Variants in SLC35F5 observed in about 807,000 individuals in gnomAD.
The protein encoded by SLC35F5 is HCV NS5A-transactivated protein 3.
SLC35F5 carries 54 observed loss-of-function variants against 68.6 expected under a neutral mutation model. That is an observed-to-expected ratio of 0.79 (90% confidence interval 0.63 to 0.99). The LOEUF (loss-of-function observed/expected upper bound fraction) is 0.99, where lower values mean the gene tolerates loss of function less well. SLC35F5 is among the 50% of genes least tolerant of loss of function. SLC35F5 has a pLI of 0.00. For synonymous variants in SLC35F5, 211 were observed against 205.2 expected (o/e 1.03, Z -0.24); for missense variants, 567 against 626.9 (o/e 0.90, Z 1.02).
Position 113,734,652 on chromosome 2 carries a change from G to A in SLC35F5, c.854C>T (p.Ala285Val). ...STSGLFTLILAAVFPSNSGDR... is the reference protein window; with the variant it reads ...STSGLFTLILVAVFPSNSGDR... ...TCCACTGTTACTTGGAAATACTGCA[G>A]CAAGGATTAAGGTAAAAAGTCCTAT... The change falls in exon 9 of 16, where the codon GCT becomes GTT. Residue 285 changes from alanine to valine, a missense_variant. Physicochemically the swap from Ala to Val is moderately conservative, Grantham distance 64 (BLOSUM62 0). Transcript: ENST00000245680. 6.2e-7 allele frequency: 1 copy of A among 1,604,406 alleles called. No homozygotes were observed. Among genetic ancestry groups the A allele is most frequent in the Non-Finnish European group, 8.5e-7 (1 of 1,173,066 alleles).
intron 9 of SLC35F5, among the ~76,000 whole-genome samples, chr2:113,733,042 T>C (rs941263716): frequency 2.6e-5 from 4 of 152,168 alleles, no homozygotes; most frequent in African/African-American, 9.7e-5. Context: ...CTTAGTAAAA[T>C]GCCAATTCAA....
chr2:113,755,542 C>G lies in SLC35F5; in HGVS notation c.43G>C (p.Val15Leu), dbSNP rs778071602. ...RRHRGAGRPG[V>L]LSSSPPFRLR... ...CTAAAAGGAGGTGAAGAACTCAGCA[C>G]CCCTAAAAACAACCATGAAATTATG... is the stretch of plus-strand genomic sequence containing the variant. Residue 15 changes from valine to leucine, a missense_variant and splice_region_variant, in exon 2 of 16, where the codon GTG (valine) becomes CTG (leucine). Transcript: ENST00000245680. 9 of 1,612,990 alleles carry G rather than the reference C, an allele frequency of 5.6e-6. No homozygotes were observed. Among genetic ancestry groups the G allele is most frequent in the Non-Finnish European group, 7.6e-6 (9 of 1,179,508 alleles).
Position 113,725,379 on chromosome 2 carries a change from A to G in SLC35F5, c.1249T>C (p.Trp417Arg). 4.4e-6 allele frequency: 7 copies of G among 1,599,542 alleles called. No homozygotes were observed. Among genetic ancestry groups the G allele is most frequent in the Non-Finnish European group, 5.1e-6 (6 of 1,176,238 alleles). ...AATTGGAGAATAAACAGTACATACC[A>G]CAACCACAGGAACTCTGAGAGTACT... ...GTVLSEFLWL[W>R]GCFLTSSLIG... Residue 417 changes from tryptophan (W) to arginine (R), a missense_variant and splice_region_variant, in exon 12 of 16, where the codon TGG (tryptophan) becomes CGG (arginine). Trp to Arg is a moderately radical substitution (Grantham distance 101). Transcript: ENST00000245680.
At chr2:113,742,506 T>G (rs1389090444) in intron 7 of SLC35F5, 186 bp downstream of exon 7, 2 of 608,422 alleles carry the variant, frequency 3.3e-6, no homozygotes, top group Non-Finnish European at 5.8e-6. Flanking sequence ...ATTCTAACTC[T>G]TTGAGGTATA....
intron 8 of SLC35F5, among the ~76,000 whole-genome samples, chr2:113,734,898 A>G (rs954802449): frequency 5.9e-5 from 9 of 152,236 alleles, no homozygotes; most frequent in Non-Finnish European, 1.3e-4. Flanking sequence ...TTTCAACAGT[A>G]CAGATCAAGT....
In SLC35F5 at chr2:113,746,371, T is replaced by A. The variant is rs770623343; in HGVS notation, c.418-32A>T. The A allele has an allele frequency of 8.3e-6, 13 of 1,566,034 alleles. No homozygotes were observed. In the East Asian group the frequency reaches 2.9e-4, roughly 35 times the overall value. On this transcript the variant is annotated intron_variant, in intron 4 of 15. Coordinates refer to ENST00000245680, the MANE Select transcript of SLC35F5 (RefSeq NM_025181.5). ...ACAGATAACAAGATACAAAATTCAA[T>A]GAAACTTACATTATACTGTAGGACT...
At chr2:113,746,917 G>A (rs1233195563) in intron 4 of SLC35F5, among the ~76,000 whole-genome samples, 10 of 139,052 alleles carry the variant, frequency 7.2e-5, no homozygotes, top group East Asian at 2.0e-4. Context: ...GCAAGATTAC[G>A]TCTCAAAAAA....
chr2:113,743,806 C>A lies in SLC35F5; in HGVS notation c.481-12G>T. 1 of 1,572,172 alleles carries A rather than the reference C, an allele frequency of 6.4e-7. No individual in the cohort carries two copies. The highest frequency in any genetic ancestry group is 8.6e-7 in the Non-Finnish European group (1 of 1,157,428). On this transcript the variant is annotated splice_polypyrimidine_tract_variant and intron_variant, in intron 5 of 15. Coordinates refer to ENST00000245680, the MANE Select transcript of SLC35F5 (RefSeq NM_025181.5). ...TACAGAGGTTCACTCTGGAATGTAA[C>A]AGAAAAAAATATAAACAACAAATAT...
In SLC35F5 at chr2:113,723,239, C is replaced by CA. The variant is rs774309941; in HGVS notation, c.1251-46dup. On this transcript the variant is annotated intron_variant, in intron 12 of 15. Coordinates refer to ENST00000245680, the MANE Select transcript of SLC35F5 (RefSeq NM_025181.5). ...CATTTCTATATTTAAAAAATTAAAC[C>CA]AAAGAAAAACACTGAACAAAGACTT... 1.6e-5 allele frequency: 16 copies of CA among 991,668 alleles called. No individual in the cohort carries two copies. The Admixed American group carries it at 3.5e-4, about 22-fold the overall frequency. 61.4% of individuals were successfully genotyped at this position (991,668 alleles called of 1,614,324 possible).
rs67201065 is a variant in SLC35F5 at position 113,708,004 on chromosome 2, TCCTCCTAG to T, written c.*7206_*7213del. ...CGCATTTTCAATGTCCTGTCTGCAT[TCCTCCTAG>T]CCTCTCTCTGCTCAGGTTTTGGAAA... On this transcript the variant is annotated 3_prime_UTR_variant, in exon 16 of 16. Coordinates refer to ENST00000245680, the MANE Select transcript of SLC35F5 (RefSeq NM_025181.5). Among the ~76,000 whole-genome samples, 14,054 of 152,208 alleles carry T rather than the reference TCCTCCTAG, an allele frequency of 0.092. 815 individuals carry two copies. The highest frequency in any genetic ancestry group is 0.14 in the Non-Finnish European group (9,183 of 67,978).
chr2:113,717,666 T>C (rs1163603913), intron 15 of SLC35F5, 87 bp downstream of exon 15: 49 of 943,480 alleles, frequency 5.2e-5, no homozygotes, highest in Non-Finnish European at 9.4e-6. Flanking sequence ...GTATTGCCTC[T>C]CAAACAACTA....
At chr2:113,717,882 A>C (rs1477063008) in intron 14 of SLC35F5, 32 bp from the exon 15 acceptor site, 9 of 1,501,486 alleles carry the variant, frequency 6.0e-6, no homozygotes, top group Non-Finnish European at 8.3e-6. Flanking sequence ...AATTAAGGAA[A>C]GCTTTAGAGC....
In SLC35F5 at chr2:113,737,082, A is replaced by C. The variant is rs1352587431; in HGVS notation, c.751-1224T>G. On this transcript the variant is annotated intron_variant, in intron 7 of 15. Coordinates refer to ENST00000245680, the MANE Select transcript of SLC35F5 (RefSeq NM_025181.5). Reference sequence around the variant, plus strand: ...GGTCAAGCAAACTAAACTAATGGCTAGTTTTTGGTGTCTCTGTTACTTACA... The same window carrying C: ...GGTCAAGCAAACTAAACTAATGGCTCGTTTTTGGTGTCTCTGTTACTTACA... 2.0e-5 allele frequency among the ~76,000 whole-genome samples: 3 copies of C among 152,126 alleles called. No individual in the cohort carries two copies. In the East Asian group the frequency reaches 5.8e-4, roughly 29 times the overall value.
At chr2:113,737,233 T>C (rs1215183760) in intron 7 of SLC35F5, among the ~76,000 whole-genome samples, 2 of 152,190 alleles carry the variant, frequency 1.3e-5, no homozygotes, top group African/African-American at 4.8e-5. Flanking sequence ...AAAGAAGTAG[T>C]AGAGACACAT....
At chr2:113,722,155 A>C (rs914541905) in intron 13 of SLC35F5, among the ~76,000 whole-genome samples, 6 of 151,738 alleles carry the variant, frequency 4.0e-5, no homozygotes, top group African/African-American at 1.5e-4. Flanking sequence ...TTGTATTTTT[A>C]GTAGAGACGG....
chr2:113,734,336 G>C (rs1012946513), intron 9 of SLC35F5, among the ~76,000 whole-genome samples: 1 of 152,214 alleles, frequency 6.6e-6, no homozygotes, highest in South Asian at 2.1e-4. Flanking sequence ...TCCAATACTT[G>C]ATGAGTCTGC....
intron 4 of SLC35F5, 80 bp downstream of exon 4, chr2:113,750,345 A>G: frequency 7.5e-7 from 1 of 1,334,326 alleles, no homozygotes; most frequent in Non-Finnish European, 1.0e-6. Context: ...ACCGTCCTTA[A>G]AGAAACTAAT....
Position 113,755,267 on chromosome 2 carries a change from A to G in SLC35F5, c.171T>C (p.Asn57=). Residue 57 remains asparagine (N), a synonymous_variant, in exon 3 of 16, where the codon AAT becomes AAC. Transcript: ENST00000245680. Reference sequence around the variant, plus strand: ...GCTGAGTGAAACCACTGTTCTGGGAATTCATTCGGTTCATGACAAATACAC... The same window carrying G: ...GCTGAGTGAAACCACTGTTCTGGGAGTTCATTCGGTTCATGACAAATACAC... ...MVCVFVMNRM[N]SQNSGFTQRR... The G allele has an allele frequency of 6.2e-7, 1 of 1,614,192 alleles. No individual in the cohort carries two copies. The highest frequency in any genetic ancestry group is 8.5e-7 in the Non-Finnish European group (1 of 1,180,020).
Position 113,717,756 on chromosome 2 carries a change from G to C in SLC35F5, c.*19C>G, listed in dbSNP as rs774628470. 2 of 1,601,490 alleles carry C rather than the reference G, an allele frequency of 1.2e-6. No individual in the cohort carries two copies. The highest frequency in any genetic ancestry group is 4.5e-5 in the East Asian group (2 of 44,756). ...TAAACCCAGCTCACATACAAACCTGGGCTACAGACAACAGACAGCTAACTA... is the reference window on the plus strand; with the variant it reads ...TAAACCCAGCTCACATACAAACCTGCGCTACAGACAACAGACAGCTAACTA... On this transcript the variant is annotated 3_prime_UTR_variant, in exon 15 of 16. Transcript: ENST00000245680.
Sources: allele counts gnomAD v4.1 joint callset (sites outside exome capture counted in the v4.1 genomes callset), GRCh38; gene constraint gnomAD v4.1.1; transcripts MANE v1.5; gene names NCBI Gene and HGNC (gene_info 2026-07-23, HGNC 2026-07-21).